Variants in ELAPOR1 observed in about 807,000 individuals in gnomAD.
ELAPOR1 encodes the protein endosome-lysosome associated apoptosis and autophagy regulator 1.
ELAPOR1 carries 77 observed loss-of-function variants against 119.7 expected under a neutral mutation model. The observed-to-expected ratio is 0.64, with a 90% CI of 0.54 to 0.78. ELAPOR1 has a LOEUF of 0.78. Ranked by LOEUF, ELAPOR1 falls within the 30% of genes least tolerant of loss-of-function variation. The pLI is 0.00. For missense variants in ELAPOR1, 1,115 were observed against 1,270.4 expected, an observed-to-expected ratio of 0.88 and a Z score of 1.86; for synonymous variants, 481 against 487.2, an observed-to-expected ratio of 0.99 and a Z score of 0.17.
At chr1:109,198,179 C>T (rs1653947264) in intron 17 of ELAPOR1, 104 bp downstream of exon 17, 1 of 895,760 alleles carries the variant, frequency 1.1e-6, no homozygotes, top group Non-Finnish European at 1.8e-6. Context: ...CAAGCCAGAA[C>T]ATGTCTGAGG....
In ELAPOR1 at chr1:109,147,848, G is replaced by A. The variant is rs180713624; in HGVS notation, c.154-14046G>A. On this transcript the variant is annotated intron_variant, in intron 1 of 21. Transcript: ENST00000369939. The stretch of plus-strand genomic sequence containing the variant: ...TTATTATTTGTTTTTTATTTTTTTC[G>A]AGGCGGAGTCTTGCTCTGTTGCCCA... Among the ~76,000 whole-genome samples, 464 of 146,290 alleles carry A rather than the reference G, an allele frequency of 3.2e-3. 2 individuals carry two copies. Among genetic ancestry groups the A allele is most frequent in the African/African-American group, 0.011 (435 of 39,560 alleles).
intron 1 of ELAPOR1, chr1:109,161,544 A>G (rs1651259694): frequency 6.1e-6 from 1 of 164,770 alleles, no homozygotes; most frequent in African/African-American, 2.4e-5. Flanking sequence ...GTCCTCGTTC[A>G]TAAATTCTAC....
Position 109,200,754 on chromosome 1 carries a change from A to C in ELAPOR1, c.2827A>C (p.Lys943Gln). The C allele has an allele frequency of 6.2e-7, 1 of 1,614,082 alleles. No homozygotes were observed. The highest frequency in any genetic ancestry group is 8.5e-7 in the Non-Finnish European group (1 of 1,179,968). Residue 943 changes from lysine (K) to glutamine (Q), a missense_variant, in exon 21 of 22, where the codon AAG becomes CAG. Coordinates refer to ENST00000369939, the MANE Select transcript of ELAPOR1 (RefSeq NM_020775.5). Reference protein sequence around the residue: ...KNQKLEYKYSKLVMNATLKDC... With the variant: ...KNQKLEYKYSQLVMNATLKDC... ...TTATAGACTAGAGTACAAGTACTCCAAGCTGGTGATGAATGCTACTCTCAA... is the reference window on the plus strand; with the variant it reads ...TTATAGACTAGAGTACAAGTACTCCCAGCTGGTGATGAATGCTACTCTCAA...
At chr1:109,140,860 A>T (rs867641639) in intron 1 of ELAPOR1, among the ~76,000 whole-genome samples, 53 of 152,062 alleles carry the variant, frequency 3.5e-4, no homozygotes, top group Non-Finnish European at 5.9e-4. Context: ...TTATTTATTT[A>T]TTTTTTTCTG....
chr1:109,186,047 A>G (rs1367822053), intron 8 of ELAPOR1, among the ~76,000 whole-genome samples: 1 of 151,852 alleles, frequency 6.6e-6, no homozygotes, highest in African/African-American at 2.4e-5. Flanking sequence ...GGTATATAAT[A>G]TAGCAAATGG....
intron 1 of ELAPOR1, among the ~76,000 whole-genome samples, chr1:109,117,305 C>T (rs1393311639): frequency 6.6e-6 from 1 of 152,320 alleles, no homozygotes; most frequent in Non-Finnish European, 1.5e-5. Context: ...TTTCATGAAT[C>T]GTTTCTTTAG....
chr1:109,150,939 G>A (rs941429485), intron 1 of ELAPOR1, among the ~76,000 whole-genome samples: 1 of 151,944 alleles, frequency 6.6e-6, no homozygotes, highest in African/African-American at 2.4e-5. Context: ...GGAGGAGGAG[G>A]GGGATAATAG....
intron 14 of ELAPOR1, among the ~76,000 whole-genome samples, chr1:109,193,796 T>G (rs1385004140): frequency 6.6e-6 from 1 of 152,240 alleles, no homozygotes. Context: ...TGGCAACCTC[T>G]TTCGGGTACC....
At position 109,144,061 on chromosome 1, in the gene ELAPOR1, A is replaced by ATATTTTTTTTTTTTT; in HGVS notation, c.154-17832_154-17831insATTTTTTTTTTTTTT. 1.3e-4 allele frequency among the ~76,000 whole-genome samples: 12 copies of ATATTTTTTTTTTTTT among 89,012 alleles called. 1 individual carries two copies. Among genetic ancestry groups the ATATTTTTTTTTTTTT allele is most frequent in the African/African-American group, 5.3e-4 (11 of 20,728 alleles). The allele number at this position is 89,012 out of a possible 152,430, so 58.4% of individuals were successfully genotyped here. On this transcript the variant is annotated intron_variant, in intron 1 of 21. Transcript: ENST00000369939. ...TATATATATATATATATATTTATAT[A>ATATTTTTTTTTTTTT]TTTTTTTTTTTTTTTGAGATGGAGT...
chr1:109,156,885 T>C (rs1650908951), intron 1 of ELAPOR1, among the ~76,000 whole-genome samples: 1 of 152,154 alleles, frequency 6.6e-6, no homozygotes, highest in Non-Finnish European at 1.5e-5. Flanking sequence ...GCCACCTCAC[T>C]TGACAATCCC....
At chr1:109,195,099 A>G (rs888853170) in intron 15 of ELAPOR1, among the ~76,000 whole-genome samples, 2 of 151,196 alleles carry the variant, frequency 1.3e-5, no homozygotes, top group Admixed American at 1.3e-4. Flanking sequence ...AAAAAGGTGA[A>G]ACTTCATCTC....
intron 15 of ELAPOR1, 90 bp from the exon 16 acceptor site, chr1:109,197,384 A>T (rs1653874356): frequency 1.9e-6 from 2 of 1,056,186 alleles, no homozygotes; most frequent in Non-Finnish European, 1.4e-6. Flanking sequence ...CTGAAAATTT[A>T]GATGTAAAAA....
intron 1 of ELAPOR1, among the ~76,000 whole-genome samples, chr1:109,156,647 T>A (rs1385229522): frequency 6.6e-6 from 1 of 152,194 alleles, no homozygotes; most frequent in Non-Finnish European, 1.5e-5. Context: ...TGGAGTTTGG[T>A]TGGGGGGCAC....
intron 3 of ELAPOR1, among the ~76,000 whole-genome samples, chr1:109,164,902 G>T (rs1570669137): frequency 1.3e-5 from 2 of 152,224 alleles, no homozygotes; most frequent in African/African-American, 4.8e-5. Flanking sequence ...AAACTTACCA[G>T]TGATGGACAG....
In ELAPOR1 at chr1:109,114,309, G is replaced by T; in HGVS notation, c.126G>T (p.Thr42=). 2 of 1,600,066 alleles carry T rather than the reference G, an allele frequency of 1.2e-6. No homozygotes were observed. Among genetic ancestry groups the T allele is most frequent in the African/African-American group, 1.3e-5 (1 of 74,812 alleles). The change falls in exon 1 of 22, where the codon ACG becomes ACT. Residue 42 remains threonine (T), a synonymous_variant. Coordinates refer to ENST00000369939, the MANE Select transcript of ELAPOR1 (RefSeq NM_020775.5). ...AGTAFQVTQG[T]GPELHACKES... is the part of the protein sequence containing the mutation. The stretch of plus-strand genomic sequence containing the variant: ...CCGCCTTCCAGGTGACCCAGGGAAC[G>T]GGACCGGAGCTTCATGCCTGCAAAG...
At position 109,188,393 on chromosome 1, in the gene ELAPOR1, C is replaced by A. The variant is rs762492022; in HGVS notation, c.1219+39C>A. 7.6e-6 allele frequency: 12 copies of A among 1,578,254 alleles called. No individual in the cohort carries two copies. The African/African-American group carries it at 1.5e-4, about 19-fold the overall frequency. ...CACCCCACTCTCTGCAGCACATCGA[C>A]TGTGTGGGTGGGCTGTGTGGGCACT... On this transcript the variant is annotated intron_variant, in intron 9 of 21. Transcript: ENST00000369939.
chr1:109,190,426 G>A (rs550456567), intron 11 of ELAPOR1, among the ~76,000 whole-genome samples: 6 of 152,336 alleles, frequency 3.9e-5, no homozygotes, highest in South Asian at 2.1e-4. Context: ...AAGGAAAGCC[G>A]TGAATGAATT....
At chr1:109,161,699 C>G (rs1246498327) in intron 1 of ELAPOR1, 195 bp from the exon 2 acceptor site, 6 of 523,964 alleles carry the variant, frequency 1.1e-5, no homozygotes, top group African/African-American at 1.9e-5. Context: ...TAGACCATGG[C>G]TGGGTGGAAG....
rs77042859 is a variant in ELAPOR1 at position 109,185,465 on chromosome 1, C to T, written c.1041+332C>T. ...TGCCTGTCCGTACACAATGTCCTCC[C>T]GGGGCTCTTCAGGCTCACCCCCTCG... On this transcript the variant is annotated intron_variant, in intron 8 of 21. Transcript: ENST00000369939. Among the ~76,000 whole-genome samples, 658 of 152,278 alleles carry T rather than the reference C, an allele frequency of 4.3e-3. 10 individuals are homozygous for T. Among genetic ancestry groups the T allele is most frequent in the East Asian group, 0.042 (220 of 5,184 alleles).
Sources: gnomAD v4.1 joint callset for allele counts (sites outside exome capture counted in the v4.1 genomes callset) on GRCh38, gnomAD v4.1.1 for gene constraint, MANE v1.5 for transcripts, NCBI Gene and HGNC (gene_info 2026-07-23, HGNC 2026-07-21) for gene names.